Variants in LRP2 observed in about 807,000 individuals in gnomAD.
The protein encoded by LRP2 is LDL receptor related protein 2, also known as low-density lipoprotein receptor-related protein 2.
In LRP2, 172 loss-of-function variants were observed where a neutral mutation model predicts 531.0. That is an observed-to-expected ratio of 0.32 (90% CI 0.29 to 0.37). The LOEUF (loss-of-function observed/expected upper bound fraction) is 0.37. Ranked by LOEUF, LRP2 falls within the 10% of genes least tolerant of loss-of-function variation. The probability of loss-of-function intolerance (pLI) is 1.00; values close to 1 mark genes in which losing one functional copy is unlikely to be tolerated. For missense variants in LRP2, 5,167 were observed against 5,868.3 expected (o/e 0.88, Z 3.90); for synonymous variants, 1,992 against 2,027.6 (o/e 0.98, Z 0.47).
At chr2:169,334,357 A>T (rs1266871544) in intron 1 of LRP2, among the ~76,000 whole-genome samples, 5 of 152,194 alleles carry the variant, frequency 3.3e-5, no homozygotes, top group Non-Finnish European at 7.4e-5. Flanking sequence ...TTTGTATTAT[A>T]CTTCTTACAA....
At chr2:169,294,068 C>CG in intron 6 of LRP2, 80 bp downstream of exon 6, 1 of 941,370 alleles carries the variant, frequency 1.1e-6, no homozygotes, top group South Asian at 1.3e-5. Context: ...GGTGGGGGAG[C>CG]GGGGGGATAA....
In LRP2 at chr2:169,280,393, T is replaced by C. The variant is rs1330233916; in HGVS notation, c.1298A>G (p.Tyr433Cys). Residue 433 changes from tyrosine (Y) to cysteine (C), a missense_variant, in exon 11 of 79, where the codon TAT becomes TGT. Coordinates refer to ENST00000649046, the MANE Select transcript of LRP2 (RefSeq NM_004525.3). ...TGTCCAAAAAACTCTTTGCAGGTGA[T>C]AGTGGAAAGCCACACCCACGGCCAC... ...RGVAVGVAFH[Y>C]HLQRVFWTDT... is the part of the protein sequence containing the mutation. 1 of 1,614,186 alleles carries C rather than the reference T, an allele frequency of 6.2e-7. No homozygotes were observed. The highest frequency in any genetic ancestry group is 8.5e-7 in the Non-Finnish European group (1 of 1,180,022).
At position 169,248,010 on chromosome 2, in the gene LRP2, C is replaced by A. The variant is rs535941851; in HGVS notation, c.2771-495G>T. Among the ~76,000 whole-genome samples, 5 of 152,122 alleles carry A rather than the reference C, an allele frequency of 3.3e-5. No individual in the cohort carries two copies. The South Asian group carries it at 1.0e-3, about 32-fold the overall frequency. The stretch of plus-strand genomic sequence containing the variant: ...AGCGCTTAAATTGTAATTTTTTTCC[C>A]TTGACTTAAATAAGAAGCTGTTGAG... On this transcript the variant is annotated intron_variant, in intron 19 of 78. Transcript: ENST00000649046.
At chr2:169,282,844 A>G in intron 10 of LRP2, 29 bp downstream of exon 10, 1 of 1,609,880 alleles carries the variant, frequency 6.2e-7, no homozygotes, top group Non-Finnish European at 8.5e-7. Flanking sequence ...TTCACTGTTC[A>G]GAGACACAGG....
intron 1 of LRP2, among the ~76,000 whole-genome samples, chr2:169,324,225 T>C (rs901198871): frequency 6.6e-6 from 1 of 152,100 alleles, no homozygotes; most frequent in African/African-American, 2.4e-5. Context: ...CAACAGCAAA[T>C]ATGTGCAAAG....
At chr2:169,342,791 G>T (rs1453973075) in intron 1 of LRP2, among the ~76,000 whole-genome samples, 1 of 151,962 alleles carries the variant, frequency 6.6e-6, no homozygotes, top group Non-Finnish European at 1.5e-5. Context: ...TAAAAAAAAA[G>T]CTTGCAATAA....
chr2:169,172,866 G>A (rs959573431), intron 57 of LRP2, among the ~76,000 whole-genome samples: 5 of 152,088 alleles, frequency 3.3e-5, no homozygotes, highest in African/African-American at 7.2e-5. Context: ...TCTTAATAAC[G>A]TCTTCCTCAA....
chr2:169,206,713 C>G lies in LRP2; in HGVS notation c.7007G>C (p.Arg2336Pro). Reference sequence around the variant, plus strand: ...GTTGTTGTTGACCTCTGCTGGTGACCGGGGCTGGACTTGCTTGTCAAAGAT... The same window carrying G: ...GTTGTTGTTGACCTCTGCTGGTGACGGGGGCTGGACTTGCTTGTCAAAGAT... Reference protein sequence around the residue: ...VTIFDKQVQPRSPAEVNNNPC... With the variant: ...VTIFDKQVQPPSPAEVNNNPC... Residue 2336 changes from arginine to proline, a missense_variant, in exon 39 of 79, where the codon CGG becomes CCG. Arg to Pro is a moderately radical substitution (Grantham distance 103). Around this residue, in one of 6 missense-constraint regions of LRP2, gnomAD observed 2,811 missense variants for 3,058.0 expected, o/e 0.92. Transcript: ENST00000649046. The G allele has an allele frequency of 6.2e-7, 1 of 1,614,070 alleles. No homozygotes were observed. The highest frequency in any genetic ancestry group is 8.5e-7 in the Non-Finnish European group (1 of 1,180,012).
chr2:169,308,906 A>T (rs1484130436), intron 3 of LRP2, among the ~76,000 whole-genome samples: 1 of 152,028 alleles, frequency 6.6e-6, no homozygotes, highest in African/African-American at 2.4e-5. Flanking sequence ...CTTTTTAATG[A>T]TCACCATTCT....
chr2:169,206,410 T>A lies in LRP2; in HGVS notation c.7310A>T (p.Gln2437Leu), dbSNP rs778650962. The part of the protein sequence containing the change: ...DSVSDRIYFT[Q>L]NLASGVGQIS... ...CTGTCCAACTCCAGAGGCTAAATTT[T>A]GTGTGAAGTAGATTCTATCACTTAC... Residue 2437 changes from glutamine to leucine, a missense_variant, in exon 39 of 79, where the codon CAA (glutamine) becomes CTA (leucine). Physicochemically the swap from Gln to Leu is moderately radical, Grantham distance 113. Around this residue, in one of 6 missense-constraint regions of LRP2, gnomAD observed 2,811 missense variants for 3,058.0 expected, o/e 0.92. Transcript: ENST00000649046. The A allele has an allele frequency of 3.7e-6, 6 of 1,614,186 alleles. No individual in the cohort carries two copies. In the East Asian group the frequency reaches 1.3e-4, roughly 36 times the overall value.
At chr2:169,140,583 G>GAC in intron 71 of LRP2, 38 bp from the exon 72 acceptor site, 1 of 1,525,080 alleles carries the variant, frequency 6.6e-7, no homozygotes, top group Non-Finnish European at 9.1e-7. Flanking sequence ...TTAGTCAGCT[G>GAC]TACTCAGCAG....
At chr2:169,318,654 C>G in intron 3 of LRP2, 108 bp downstream of exon 3, 1 of 1,498,092 alleles carries the variant, frequency 6.7e-7, no homozygotes, top group Non-Finnish European at 9.2e-7. Context: ...GATTTAAGGC[C>G]CTGCTCCACA....
chr2:169,351,386 C>A (rs6713072), intron 1 of LRP2, among the ~76,000 whole-genome samples: 1 of 151,836 alleles, frequency 6.6e-6, no homozygotes, highest in Non-Finnish European at 1.5e-5. Context: ...TAATGTGGAA[C>A]AGAGGATTTC....
chr2:169,306,169 A>AAT (rs1304193467), intron 4 of LRP2, among the ~76,000 whole-genome samples: 3 of 151,766 alleles, frequency 2.0e-5, no homozygotes, highest in East Asian at 1.9e-4. Context: ...TATATATTAA[A>AAT]ATATATATAT....
chr2:169,228,589 T>C (rs1254076505), intron 31 of LRP2, among the ~76,000 whole-genome samples: 1 of 152,224 alleles, frequency 6.6e-6, no homozygotes, highest in Non-Finnish European at 1.5e-5. Flanking sequence ...TCATCCATTA[T>C]GCATGGGCCT....
intron 3 of LRP2, among the ~76,000 whole-genome samples, chr2:169,311,519 T>A (rs1367885332): frequency 6.6e-6 from 1 of 152,162 alleles, no homozygotes; most frequent in East Asian, 1.9e-4. Context: ...TTTGAGTGAG[T>A]TTCTTAATCC....
At chr2:169,186,140 C>A in intron 49 of LRP2, 121 bp from the exon 50 acceptor site, 1 of 865,730 alleles carries the variant, frequency 1.2e-6, no homozygotes, top group South Asian at 1.5e-5. Flanking sequence ...CTAAGACAGA[C>A]AACAAAGACT....
chr2:169,333,778 G>A (rs151088371), intron 1 of LRP2, among the ~76,000 whole-genome samples: 78 of 152,176 alleles, frequency 5.1e-4, no homozygotes, highest in African/African-American at 1.9e-3. Context: ...TGAGCAAAAA[G>A]AACTTCAGAA....
rs770150825 is a variant in LRP2, at chr2:169,275,288, T to C, written c.1773-50A>G. 9.0e-6 allele frequency: 13 copies of C among 1,445,796 alleles called. No individual in the cohort carries two copies. In the South Asian group the frequency reaches 9.4e-5, roughly 10 times the overall value. 89.6% of individuals were successfully genotyped at this position (1,445,796 alleles called of 1,614,324 possible). On this transcript the variant is annotated intron_variant, in intron 13 of 78. Coordinates refer to ENST00000649046, the MANE Select transcript of LRP2 (RefSeq NM_004525.3). ...CATACAATTTGTTAGTTTTGCTTTA[T>C]TATAATTAAAGCTGTAGTTAGTTCA...
Sources: allele counts gnomAD v4.1 joint callset (sites outside exome capture counted in the v4.1 genomes callset), GRCh38; gene constraint gnomAD v4.1.1; regional missense constraint gnomAD v4.1.1; transcripts MANE v1.5; gene names NCBI Gene and HGNC (gene_info 2026-07-23, HGNC 2026-07-21).